Variants in SATL1 observed in about 807,000 individuals in gnomAD.
SATL1 encodes the protein spermidine/spermine N(1)-acetyltransferase-like protein 1.
A neutral mutation model predicts 51.8 loss-of-function variants in SATL1; 47 were observed. The observed-to-expected ratio is 0.91, with a 90% CI of 0.72 to 1.16. SATL1 has a LOEUF of 1.16. SATL1 is among the 50% of genes most tolerant of loss of function. The probability of loss-of-function intolerance (pLI) is 0.00; values close to 1 mark genes in which losing one functional copy is unlikely to be tolerated. For synonymous variants in SATL1, 176 were observed against 182.4 expected (o/e 0.97, Z 0.28); for missense variants, 520 against 526.4 (o/e 0.99, Z 0.12).
chrX:85,228,546 T>C (rs770639386), intron 1 of SATL1, among the ~76,000 whole-genome samples: 1 of 111,480 alleles, frequency 9.0e-6, no homozygotes, highest in East Asian at 2.8e-4. Flanking sequence ...CCATTCTTTA[T>C]AGAACTCATT....
At chrX:85,181,125 G>A (rs928466634) in intron 2 of SATL1, among the ~76,000 whole-genome samples, 38 of 105,722 alleles carry the variant, frequency 3.6e-4, no homozygotes, top group Admixed American at 1.0e-3. Flanking sequence ...GTGTATATAC[G>A]TGTGTGACAG....
chrX:85,177,010 A>G (rs1407866512), intron 2 of SATL1, among the ~76,000 whole-genome samples: 1 of 111,417 alleles, frequency 9.0e-6, no homozygotes, highest in Non-Finnish European at 1.9e-5. Flanking sequence ...GAGTGGCCTC[A>G]ATGTAATCAT....
intron 2 of SATL1, among the ~76,000 whole-genome samples, chrX:85,205,093 C>T (rs1228296631): frequency 1.8e-5 from 2 of 111,873 alleles, no homozygotes; most frequent in African/African-American, 3.2e-5. Flanking sequence ...GATTACTCAT[C>T]ATCTGTGCTT....
intron 2 of SATL1, chrX:85,212,191 C>T (rs999416229): frequency 1.3e-4 from 15 of 111,697 alleles, no homozygotes; most frequent in African/African-American, 4.2e-4. Flanking sequence ...GTTTTATGTA[C>T]TTATCTTTTG....
chrX:85,093,399 C>T (rs758060536), intron 6 of SATL1, 174 bp from the exon 7 acceptor site: 24 of 441,594 alleles, frequency 5.4e-5, no homozygotes, highest in Admixed American at 8.3e-5. Flanking sequence ...ATTGGAATGA[C>T]GTACCAAAGG....
At chrX:85,221,321 C>A (rs937341427) in intron 2 of SATL1, among the ~76,000 whole-genome samples, 3 of 111,759 alleles carry the variant, frequency 2.7e-5, no homozygotes, top group African/African-American at 9.8e-5. Context: ...ACTTTACATG[C>A]AATCTTATGC....
At chrX:85,166,805 T>TATGAAAAAG (rs1218179288) in intron 2 of SATL1, among the ~76,000 whole-genome samples, 1 of 109,102 alleles carries the variant, frequency 9.2e-6, no homozygotes, top group Middle Eastern at 4.3e-3. Flanking sequence ...GAAGTCACTA[T>TATGAAAAAG]ATGAAAAAGA....
chrX:85,184,695 G>C lies in SATL1; in HGVS notation c.-313+39510C>G, dbSNP rs1602896785. Among the ~76,000 whole-genome samples, 6 of 111,769 alleles carry C rather than the reference G, an allele frequency of 5.4e-5. 1 individual carries two copies. In the Admixed American group the frequency reaches 5.7e-4, roughly 11 times the overall value. ...TCTTTTAAATTATTTCGATCACTTT[G>C]TTCATCTTATCTGATAGGAATATGA... On this transcript the variant is annotated intron_variant, in intron 2 of 7. Transcript: ENST00000644105.
chrX:85,150,245 C>G (rs2054300670), intron 2 of SATL1, among the ~76,000 whole-genome samples: 1 of 111,856 alleles, frequency 8.9e-6, no homozygotes, highest in African/African-American at 3.2e-5. Flanking sequence ...GACACATACA[C>G]TCTCCCAAGA....
chrX:85,232,255 G>A (rs1203637793), intron 1 of SATL1, among the ~76,000 whole-genome samples: 1 of 110,015 alleles, frequency 9.1e-6, no homozygotes, highest in East Asian at 2.9e-4. Context: ...AATAAACAGC[G>A]CTTGGGTCCT....
At chrX:85,126,635 T>C (rs1029851316) in intron 2 of SATL1, among the ~76,000 whole-genome samples, 3 of 111,440 alleles carry the variant, frequency 2.7e-5, no homozygotes, top group South Asian at 7.5e-4. Flanking sequence ...GTATTTTTTG[T>C]ATAATTTTTT....
chrX:85,093,106 A>G, intron 7 of SATL1, 79 bp downstream of exon 7: 1 of 959,863 alleles, frequency 1.0e-6, no homozygotes, highest in Non-Finnish European at 1.4e-6. Flanking sequence ...GGTGAGATTA[A>G]TGATTTAATT....
chrX:85,176,855 G>A (rs1337997259), intron 2 of SATL1, among the ~76,000 whole-genome samples: 1 of 111,152 alleles, frequency 9.0e-6, no homozygotes, highest in Admixed American at 9.6e-5. Flanking sequence ...ATAAAAGTAT[G>A]TTTTAAAAGC....
At position 85,135,365 on chromosome X, in the gene SATL1, G is replaced by A. The variant is rs1487781178; in HGVS notation, c.-312-26085C>T. Reference sequence around the variant, plus strand: ...AAAAAAAACTTCAAATATTTTCTAAGTGATAGTCTTGTGCTGCAGAAGTGA... The same window carrying A: ...AAAAAAAACTTCAAATATTTTCTAAATGATAGTCTTGTGCTGCAGAAGTGA... On this transcript the variant is annotated intron_variant, in intron 2 of 7. Coordinates refer to ENST00000644105, the MANE Select transcript of SATL1 (RefSeq NM_001367857.2). 2.7e-5 allele frequency among the ~76,000 whole-genome samples: 3 copies of A among 111,149 alleles called. No homozygotes were observed. The Admixed American group carries it at 2.9e-4, about 11-fold the overall frequency.
intron 2 of SATL1, among the ~76,000 whole-genome samples, chrX:85,186,448 G>A (rs1255604682): frequency 1.8e-5 from 2 of 110,764 alleles, no homozygotes; most frequent in Admixed American, 1.9e-4. Context: ...GGCCTAGACT[G>A]CCTTTCAAGT....
chrX:85,238,624 T>C (rs919848684), intron 1 of SATL1, among the ~76,000 whole-genome samples: 7 of 111,045 alleles, frequency 6.3e-5, no homozygotes, highest in Non-Finnish European at 9.5e-5. Flanking sequence ...TACAGTTCAA[T>C]AGAATGAAAA....
intron 2 of SATL1, chrX:85,212,797 C>A (rs1927956531): frequency 9.0e-6 from 1 of 111,080 alleles, no homozygotes; most frequent in Non-Finnish European, 1.9e-5. Flanking sequence ...CATTTATCAA[C>A]CACGCAAATG....
chrX:85,105,710 A>C (rs1180258259), intron 3 of SATL1, among the ~76,000 whole-genome samples: 1 of 111,972 alleles, frequency 8.9e-6, no homozygotes, highest in East Asian at 2.8e-4. Flanking sequence ...GTGATTGCAA[A>C]CTCTAATAAA....
At chrX:85,170,372 G>A (rs764018976) in intron 2 of SATL1, among the ~76,000 whole-genome samples, 75 of 111,320 alleles carry the variant, frequency 6.7e-4, no homozygotes, top group African/African-American at 2.3e-3. Context: ...TTTTTTCTGC[G>A]ACATTTTATT....
Sources: allele counts gnomAD v4.1 joint callset (sites outside exome capture counted in the v4.1 genomes callset), GRCh38; gene constraint gnomAD v4.1.1; transcripts MANE v1.5; gene names NCBI Gene and HGNC (gene_info 2026-07-23, HGNC 2026-07-21).